Variants in GASK1A observed in about 807,000 individuals in gnomAD.
The protein encoded by GASK1A is golgi associated kinase 1A.
GASK1A carries 40 observed loss-of-function variants against 41.2 expected under a neutral mutation model. The ratio of observed to expected loss-of-function variants is 0.97; its 90% CI spans 0.75 to 1.27. The LOEUF is 1.27. Ranked by LOEUF, GASK1A falls within the 50% of genes most tolerant of loss-of-function variation. GASK1A has a pLI of 0.00. For missense variants in GASK1A, 678 were observed against 745.1 expected (o/e 0.91, Z 1.05); for synonymous variants, 316 against 307.1 (o/e 1.03, Z -0.30).
intron 1 of GASK1A, among the ~76,000 whole-genome samples, chr3:42,993,795 T>C (rs2089354779): frequency 6.6e-6 from 1 of 152,206 alleles, no homozygotes; most frequent in Admixed American, 6.5e-5. Flanking sequence ...TGTTGGAAGA[T>C]AATTTCCCCT....
chr3:43,034,360 T>C (rs2089594514), intron 2 of GASK1A, among the ~76,000 whole-genome samples: 1 of 152,168 alleles, frequency 6.6e-6, no homozygotes, highest in Non-Finnish European at 1.5e-5. Context: ...GAAGGGGTTG[T>C]GTTGTCAGGG....
chr3:43,046,966 T>G (rs772115621), intron 2 of GASK1A, among the ~76,000 whole-genome samples: 4 of 152,212 alleles, frequency 2.6e-5, no homozygotes, highest in Non-Finnish European at 5.9e-5. Flanking sequence ...TCACCTGTAT[T>G]TCAGAGGATG....
At chr3:43,019,471 G>C (rs1575443631) in intron 1 of GASK1A, among the ~76,000 whole-genome samples, 1 of 152,214 alleles carries the variant, frequency 6.6e-6, no homozygotes, top group Non-Finnish European at 1.5e-5. Context: ...GTTGCCTGCT[G>C]AGTTCCTCCT....
intron 1 of GASK1A, among the ~76,000 whole-genome samples, chr3:42,985,839 C>T (rs1167445156): frequency 6.6e-6 from 1 of 152,116 alleles, no homozygotes; most frequent in East Asian, 1.9e-4. Flanking sequence ...GCAAAACACC[C>T]TGACAACCTC....
intron 1 of GASK1A, among the ~76,000 whole-genome samples, chr3:43,011,441 C>A (rs923084777): frequency 2.6e-5 from 4 of 151,334 alleles, no homozygotes; most frequent in African/African-American, 9.7e-5. Flanking sequence ...CAAATAGGAA[C>A]CTTTTTCTGT....
chr3:43,010,599 C>T (rs1477756239), intron 1 of GASK1A, among the ~76,000 whole-genome samples: 1 of 152,054 alleles, frequency 6.6e-6, no homozygotes, highest in East Asian at 1.9e-4. Context: ...AGATTTCTGC[C>T]ATCTCTAAGT....
intron 2 of GASK1A, among the ~76,000 whole-genome samples, chr3:43,043,674 C>G (rs543835265): frequency 3.9e-4 from 59 of 152,240 alleles, no homozygotes; most frequent in Non-Finnish European, 5.9e-4. Context: ...AAGGATAATA[C>G]CTGGCACAGA....
intron 1 of GASK1A, among the ~76,000 whole-genome samples, chr3:42,986,301 G>A (rs947805996): frequency 6.6e-6 from 1 of 152,162 alleles, no homozygotes; most frequent in African/African-American, 2.4e-5. Context: ...ACAGATCAGC[G>A]GTTGCAGGGG....
chr3:43,016,200 G>A (rs1281069188), intron 1 of GASK1A, among the ~76,000 whole-genome samples: 1 of 151,936 alleles, frequency 6.6e-6, no homozygotes, highest in African/African-American at 2.4e-5. Context: ...ATAGGAAGGG[G>A]CAGTGTGAAG....
rs889850378 is a variant in GASK1A at position 43,056,120 on chromosome 3, C to A, written c.1518-56C>A. 8.2e-5 allele frequency: 113 copies of A among 1,375,824 alleles called. No individual in the cohort carries two copies. The East Asian group carries it at 2.1e-3, about 25-fold the overall frequency. The allele number at this position is 1,375,824 out of a possible 1,614,324, so 85.2% of individuals were successfully genotyped here. A position where few individuals can be genotyped will look rare whatever the true frequency, so the allele number is the denominator to read the frequency against. Reference sequence around the variant, plus strand: ...TGGCATCACCTGTTACTGAAATTCTCTGAGATTACTGTTGCTTTTTCTTTC... The same window carrying A: ...TGGCATCACCTGTTACTGAAATTCTATGAGATTACTGTTGCTTTTTCTTTC... On this transcript the variant is annotated intron_variant, in intron 4 of 4. Transcript: ENST00000430121.
At chr3:43,023,197 A>G (rs2089530364) in intron 1 of GASK1A, among the ~76,000 whole-genome samples, 1 of 152,224 alleles carries the variant, frequency 6.6e-6, no homozygotes, top group Admixed American at 6.5e-5. Flanking sequence ...TGACACAAAC[A>G]AAAGAGGAGA....
intron 1 of GASK1A, among the ~76,000 whole-genome samples, chr3:42,994,819 A>AT (rs1222667523): frequency 6.7e-6 from 1 of 148,676 alleles, no homozygotes; most frequent in Non-Finnish European, 1.5e-5. Context: ...GATGTGGAGG[A>AT]TGTGGGCAAC....
chr3:42,979,434 G>A lies in GASK1A; in HGVS notation c.-209G>A. ...TATTCCCCACCCGCGGAGTATCCCG[G>A]TGTGCAGCGATCTCCCGAGAGTTGG... On this transcript the variant is annotated 5_prime_UTR_variant, in exon 1 of 5. It adds an upstream start codon to the 5' untranslated region. Coordinates refer to ENST00000430121, the MANE Select transcript of GASK1A (RefSeq NM_001129908.3). 7.0e-6 allele frequency: 3 copies of A among 427,138 alleles called. No homozygotes were observed. Among genetic ancestry groups the A allele is most frequent in the Non-Finnish European group, 1.2e-5 (3 of 253,530 alleles). 26.5% of individuals were successfully genotyped at this position (427,138 alleles called of 1,614,324 possible). A position where few individuals can be genotyped will look rare whatever the true frequency, so the allele number is the denominator to read the frequency against.
intron 2 of GASK1A, 56 bp from the exon 3 acceptor site, chr3:43,053,465 G>T (rs569001190): frequency 3.4e-6 from 5 of 1,488,502 alleles, no homozygotes; most frequent in African/African-American, 1.4e-5. Context: ...TCCATGCTAT[G>T]CCTGGTGGAG....
chr3:43,056,480 C>G lies in GASK1A; in HGVS notation c.*94C>G. 1 of 1,120,792 alleles carries G rather than the reference C, an allele frequency of 8.9e-7. No individual in the cohort carries two copies. The highest frequency in any genetic ancestry group is 2.6e-5 in the East Asian group (1 of 38,234). The allele number at this position is 1,120,792 out of a possible 1,614,324, so 69.4% of individuals were successfully genotyped here. ...GAGGACAAATGGGAAAAGCCAGAAG[C>G]CAGAGGGGCACAAGGATGTCACGGG... is the stretch of plus-strand genomic sequence containing the variant. On this transcript the variant is annotated 3_prime_UTR_variant, in exon 5 of 5. Transcript: ENST00000430121.
At chr3:42,985,851 A>G (rs2089306424) in intron 1 of GASK1A, among the ~76,000 whole-genome samples, 1 of 152,176 alleles carries the variant, frequency 6.6e-6, no homozygotes, top group African/African-American at 2.4e-5. Context: ...GACAACCTCA[A>G]GTATTGGTCA....
intron 1 of GASK1A, among the ~76,000 whole-genome samples, chr3:42,981,616 A>AGACC (rs1369457965): frequency 1.3e-5 from 2 of 152,152 alleles, no homozygotes; most frequent in African/African-American, 4.8e-5. Flanking sequence ...GATGAGACCC[A>AGACC]GACCAAGGGA....
intron 2 of GASK1A, among the ~76,000 whole-genome samples, chr3:43,038,669 G>T (rs988814920): frequency 2.0e-5 from 3 of 151,578 alleles, no homozygotes; most frequent in African/African-American, 4.8e-5. Flanking sequence ...TTCCCATCAA[G>T]AATTTAGTAG....
intron 1 of GASK1A, among the ~76,000 whole-genome samples, chr3:43,011,258 T>G (rs965733149): frequency 1.3e-5 from 2 of 151,912 alleles, no homozygotes; most frequent in Admixed American, 6.6e-5. Flanking sequence ...GGCGTGCGCC[T>G]GTAGTCCCAG....
Sources: gnomAD v4.1 joint callset for allele counts (sites outside exome capture counted in the v4.1 genomes callset) on GRCh38, gnomAD v4.1.1 for gene constraint, MANE v1.5 for transcripts, NCBI Gene and HGNC (gene_info 2026-07-23, HGNC 2026-07-21) for gene names.